Variants in SLMAP observed in about 807,000 individuals in gnomAD.
The protein encoded by SLMAP is sarcolemmal membrane-associated protein.
A neutral mutation model predicts 128.8 loss-of-function variants in SLMAP; 44 were observed. The ratio of observed to expected loss-of-function variants is 0.34; its 90% CI spans 0.27 to 0.44. The LOEUF is 0.44. Ranked by LOEUF, SLMAP falls within the 20% of genes least tolerant of loss-of-function variation. The pLI is 1.00. For synonymous variants in SLMAP, 327 were observed against 348.8 expected (o/e 0.94, Z 0.70); for missense variants, 787 against 985.3 (o/e 0.80, Z 2.69).
chr3:57,843,775 CTTTTTTT>C (rs775541858), intron 4 of SLMAP, among the ~76,000 whole-genome samples: 9 of 77,140 alleles, frequency 1.2e-4, no homozygotes, highest in Admixed American at 9.4e-4. Flanking sequence ...TCTTTTCTTT[CTTTTTTT>C]TTTTTTTTTT....
At chr3:57,879,101 T>G (rs1179443933) in intron 14 of SLMAP, among the ~76,000 whole-genome samples, 1 of 152,212 alleles carries the variant, frequency 6.6e-6, no homozygotes, top group East Asian at 1.9e-4. Flanking sequence ...CAAGTGATCC[T>G]CCCAATTTGG....
chr3:57,817,723 G>C (rs1435587504), intron 2 of SLMAP, among the ~76,000 whole-genome samples: 1 of 152,158 alleles, frequency 6.6e-6, no homozygotes, highest in Non-Finnish European at 1.5e-5. Flanking sequence ...ACCTAGTATA[G>C]CTCCTAGCAT....
intron 2 of SLMAP, among the ~76,000 whole-genome samples, chr3:57,779,083 C>T (rs902467552): frequency 4.6e-5 from 7 of 152,020 alleles, no homozygotes; most frequent in Admixed American, 2.0e-4. Context: ...AATTACACCA[C>T]GGAGTACTGT....
intron 12 of SLMAP, 29 bp from the exon 13 acceptor site, chr3:57,865,213 C>T (rs1183367951): frequency 4.8e-6 from 6 of 1,241,314 alleles, no homozygotes; most frequent in Non-Finnish European, 6.7e-6. Flanking sequence ...CTTCTTTGAT[C>T]AGGCAATGAT....
chr3:57,803,321 G>C (rs1476586681), intron 2 of SLMAP, among the ~76,000 whole-genome samples: 1 of 152,120 alleles, frequency 6.6e-6, no homozygotes, highest in Non-Finnish European at 1.5e-5. Context: ...CAAGATGAAT[G>C]CATGTACTCT....
intron 15 of SLMAP, among the ~76,000 whole-genome samples, chr3:57,891,684 C>G (rs1041829561): frequency 1.3e-5 from 2 of 151,904 alleles, no homozygotes; most frequent in African/African-American, 4.8e-5. Context: ...TCAAGTGATT[C>G]TCCTGCCTCA....
intron 8 of SLMAP, among the ~76,000 whole-genome samples, chr3:57,858,771 C>G (rs1213484996): frequency 6.6e-6 from 1 of 152,052 alleles, no homozygotes; most frequent in East Asian, 1.9e-4. Flanking sequence ...GGAGAAATCC[C>G]ATCACTACTA....
chr3:57,782,847 G>C (rs530159674), intron 2 of SLMAP, among the ~76,000 whole-genome samples: 76 of 152,174 alleles, frequency 5.0e-4, no homozygotes, highest in Non-Finnish European at 4.1e-4. Context: ...AGTGAGCTTG[G>C]CCCCCTCTTG....
At chr3:57,807,421 G>A (rs192291396) in intron 2 of SLMAP, among the ~76,000 whole-genome samples, 12 of 152,202 alleles carry the variant, frequency 7.9e-5, no homozygotes, top group East Asian at 3.9e-4. Flanking sequence ...TATGATATTG[G>A]CTGTGGGTTT....
chr3:57,914,395 A>G (rs1392606101), intron 21 of SLMAP, among the ~76,000 whole-genome samples: 1 of 152,152 alleles, frequency 6.6e-6, no homozygotes, highest in Non-Finnish European at 1.5e-5. Flanking sequence ...CCCATGTCTC[A>G]AGAAAACATG....
intron 6 of SLMAP, among the ~76,000 whole-genome samples, chr3:57,857,072 G>A (rs1327265552): frequency 3.9e-5 from 6 of 152,060 alleles, no homozygotes; most frequent in Non-Finnish European, 8.8e-5. Context: ...TGTATAAAAT[G>A]CAAACCTGAA....
At chr3:57,914,845 G>C (rs1394405772) in intron 21 of SLMAP, among the ~76,000 whole-genome samples, 1 of 151,142 alleles carries the variant, frequency 6.6e-6, no homozygotes, top group Non-Finnish European at 1.5e-5. Flanking sequence ...GCCTCCCAAA[G>C]TGCTGGGATT....
intron 17 of SLMAP, among the ~76,000 whole-genome samples, chr3:57,904,886 G>A (rs995919372): frequency 6.6e-6 from 1 of 151,926 alleles, no homozygotes; most frequent in Non-Finnish European, 1.5e-5. Flanking sequence ...GTGCAACATA[G>A]CAAGACCCCA....
Position 57,857,750 on chromosome 3 carries a change from A to T in SLMAP, c.537A>T (p.Glu179Asp), listed in dbSNP as rs2094864033. Residue 179 changes from glutamate to aspartate, a missense_variant, in exon 7 of 25, where the codon GAA becomes GAT. Glu to Asp is a conservative substitution (Grantham distance 45). Around this residue, in one of 2 missense-constraint regions of SLMAP, gnomAD observed 715 missense variants for 843.6 expected, o/e 0.85. Transcript: ENST00000671191. ...AATACTAGGAGGCCTTACATCGGGA[A>T]CAAATGTTGGAACAGAAGTTAGCCA... ...SQYLQEALHR[E>D]QMLEQKLATL... 1.2e-6 allele frequency: 2 copies of T among 1,613,270 alleles called. No homozygotes were observed. Among genetic ancestry groups the T allele is most frequent in the Non-Finnish European group, 1.7e-6 (2 of 1,179,316 alleles).
At chr3:57,814,216 G>A (rs187054992) in intron 2 of SLMAP, among the ~76,000 whole-genome samples, 7 of 151,154 alleles carry the variant, frequency 4.6e-5, no homozygotes, top group African/African-American at 1.2e-4. Context: ...TCCATTCATC[G>A]TCCATCTCTG....
chr3:57,808,005 G>GT (rs2090220563), intron 2 of SLMAP, among the ~76,000 whole-genome samples: 2 of 152,122 alleles, frequency 1.3e-5, no homozygotes, highest in South Asian at 4.1e-4. Flanking sequence ...TTGGGAGGGT[G>GT]TATGTGTCCA....
chr3:57,796,012 T>G (rs2086655695), intron 2 of SLMAP, among the ~76,000 whole-genome samples: 1 of 152,236 alleles, frequency 6.6e-6, no homozygotes, highest in Admixed American at 6.5e-5. Flanking sequence ...TAAGTAATTT[T>G]TAGTAATTAA....
chr3:57,882,742 T>C (rs1378297315), intron 14 of SLMAP, among the ~76,000 whole-genome samples: 1 of 152,164 alleles, frequency 6.6e-6, no homozygotes, highest in Non-Finnish European at 1.5e-5. Flanking sequence ...AGGGACCTTG[T>C]AGGCCATGAT....
At chr3:57,849,078 G>C (rs1412815796) in intron 5 of SLMAP, among the ~76,000 whole-genome samples, 1 of 151,724 alleles carries the variant, frequency 6.6e-6, no homozygotes, top group Non-Finnish European at 1.5e-5. Flanking sequence ...CGTGACACGG[G>C]GTTTCACCAT....
Sources: gnomAD v4.1 joint callset for allele counts (sites outside exome capture counted in the v4.1 genomes callset) on GRCh38, gnomAD v4.1.1 for gene constraint, gnomAD v4.1.1 regional missense constraint, MANE v1.5 for transcripts, NCBI Gene and HGNC (gene_info 2026-07-23, HGNC 2026-07-21) for gene names.